Variants in RGS9 observed in about 807,000 individuals in gnomAD.
The protein encoded by RGS9 is regulator of G protein signaling 9.
A neutral mutation model predicts 102.0 loss-of-function variants in RGS9; 78 were observed. The ratio of observed to expected loss-of-function variants is 0.76; its 90% CI spans 0.64 to 0.92. The LOEUF is 0.92. Among genes scored for constraint, RGS9 ranks in the 40% least tolerant of loss-of-function variants. The pLI, the probability that RGS9 is intolerant of heterozygous loss-of-function variation, is 0.00. For synonymous variants in RGS9, 353 were observed against 318.6 expected (o/e 1.11, Z -1.15); for missense variants, 833 against 866.1 (o/e 0.96, Z 0.48).
intron 15 of RGS9, among the ~76,000 whole-genome samples, chr17:65,205,537 G>A (rs149889118): frequency 1.2e-4 from 19 of 152,078 alleles, no homozygotes; most frequent in African/African-American, 4.6e-4. Flanking sequence ...TGTGATATAG[G>A]CTATTTGATA....
intron 12 of RGS9, among the ~76,000 whole-genome samples, chr17:65,195,123 C>T (rs944853420): frequency 2.0e-5 from 3 of 152,174 alleles, no homozygotes; most frequent in East Asian, 1.9e-4. Context: ...TGCCTCCCAG[C>T]GTACTGAATG....
chr17:65,184,512 A>T (rs999669213), intron 9 of RGS9, among the ~76,000 whole-genome samples: 1 of 152,102 alleles, frequency 6.6e-6, no homozygotes, highest in East Asian at 1.9e-4. Context: ...TATCGCATTT[A>T]GTCCCTCTTT....
At chr17:65,181,260 C>T (rs1911874605) in intron 9 of RGS9, among the ~76,000 whole-genome samples, 1 of 152,198 alleles carries the variant, frequency 6.6e-6, no homozygotes, top group Admixed American at 6.5e-5. Flanking sequence ...TTCATTCCCA[C>T]CAGAAGCATA....
In RGS9 at chr17:65,163,187, T is replaced by TA. The variant is rs535653517; in HGVS notation, c.500+98_500+99insA. The TA allele has an allele frequency of 3.1e-4, 190 of 606,650 alleles. No homozygotes were observed. In the African/African-American group the frequency reaches 3.7e-3, roughly 12 times the overall value. The allele number at this position is 606,650 out of a possible 1,614,324, so 37.6% of individuals were successfully genotyped here. On this transcript the variant is annotated intron_variant, in intron 7 of 18. Coordinates refer to ENST00000262406, the MANE Select transcript of RGS9 (RefSeq NM_003835.4). Reference sequence around the variant, plus strand: ...TTATTTTATTTTTTATTTTTATTTTTTTTTTGAGACAGAGTCTTGCTCTGT... The same window carrying TA: ...TTATTTTATTTTTTATTTTTATTTTTATTTTTGAGACAGAGTCTTGCTCTGT...
At chr17:65,181,479 C>T (rs1911882049) in intron 9 of RGS9, among the ~76,000 whole-genome samples, 1 of 152,232 alleles carries the variant, frequency 6.6e-6, no homozygotes, top group Non-Finnish European at 1.5e-5. Context: ...GCAGGTGTCT[C>T]GGGCCCTGGG....
At chr17:65,156,957 C>A (rs956087704) in intron 2 of RGS9, among the ~76,000 whole-genome samples, 1 of 152,162 alleles carries the variant, frequency 6.6e-6, no homozygotes, top group Non-Finnish European at 1.5e-5. Context: ...CATGGCTGGA[C>A]ATTTGTGTCC....
rs759903868 is a variant in RGS9 at position 65,197,109 on chromosome 17, A to G, written c.861-17A>G. On this transcript the variant is annotated splice_polypyrimidine_tract_variant and intron_variant, in intron 12 of 18. Coordinates refer to ENST00000262406, the MANE Select transcript of RGS9 (RefSeq NM_003835.4). ...CAACCGCTACCTCTCTGGTGCATTT[A>G]CAAATCATCCTTGCAGGGTGGAAAT... The G allele has an allele frequency of 6.3e-7, 1 of 1,595,200 alleles. No individual in the cohort carries two copies. Among genetic ancestry groups the G allele is most frequent in the Non-Finnish European group, 8.6e-7 (1 of 1,164,836 alleles).
At position 65,160,572 on chromosome 17, in the gene RGS9, G is replaced by A. The variant is rs1387317965; in HGVS notation, c.349G>A (p.Glu117Lys). The A allele has an allele frequency of 1.2e-6, 2 of 1,614,078 alleles. No individual in the cohort carries two copies. Among genetic ancestry groups the A allele is most frequent in the African/African-American group, 1.3e-5 (1 of 74,918 alleles). Residue 117 changes from glutamate (E) to lysine (K), a missense_variant, in exon 5 of 19, where the codon GAA (glutamate) becomes AAA (lysine). Transcript: ENST00000262406. ...YFWPTQQWPA[E>K]DTDYAIYLAK... is the part of the protein sequence containing the mutation. Reference sequence around the variant, plus strand: ...CTGGCCCACCCAGCAGTGGCCAGCTGAAGATACCGATTACGGTAAATACTT... The same window carrying A: ...CTGGCCCACCCAGCAGTGGCCAGCTAAAGATACCGATTACGGTAAATACTT...
chr17:65,141,141 C>A (rs1003366405), intron 1 of RGS9, among the ~76,000 whole-genome samples: 2 of 152,220 alleles, frequency 1.3e-5, no homozygotes, highest in Non-Finnish European at 2.9e-5. Context: ...CATGCTGCTT[C>A]CCACCTCTGA....
In RGS9 at chr17:65,168,239, G is replaced by C. The variant is rs759660079; in HGVS notation, c.540G>C (p.Leu180=). The change falls in exon 8 of 19, where the codon CTG becomes CTC. Residue 180 remains leucine, a synonymous_variant. Transcript: ENST00000262406. ...GGAACAAAGCAGACAGATATGCCCT[G>C]GACTGCCAGGAGAAGGCATACTGGC... ...KERNKADRYA[L]DCQEKAYWLV... 1.9e-5 allele frequency: 30 copies of C among 1,611,430 alleles called. No individual in the cohort carries two copies. The highest frequency in any genetic ancestry group is 2.5e-5 in the Non-Finnish European group (29 of 1,179,016).
At chr17:65,179,943 T>C (rs1911801909) in intron 9 of RGS9, 2 of 152,388 alleles carry the variant, frequency 1.3e-5, no homozygotes, top group Non-Finnish European at 2.9e-5. Flanking sequence ...ATACGGGCTG[T>C]GTCTCCGCTG....
At chr17:65,178,556 T>C (rs1911735963) in intron 9 of RGS9, among the ~76,000 whole-genome samples, 1 of 152,138 alleles carries the variant, frequency 6.6e-6, no homozygotes, top group Admixed American at 6.5e-5. Context: ...CGGGCTGCAG[T>C]GCAGTGGCAT....
intron 1 of RGS9, among the ~76,000 whole-genome samples, chr17:65,147,116 A>T (rs1389917564): frequency 6.6e-6 from 1 of 152,198 alleles, no homozygotes; most frequent in African/African-American, 2.4e-5. Context: ...CAGCTGACCC[A>T]GTGACCTCAG....
intron 1 of RGS9, 89 bp downstream of exon 1, chr17:65,137,686 A>G (rs2585858): frequency 1 from 1,280,536 of 1,281,482 alleles, 639,799 homozygotes; most frequent in East Asian, 1. Flanking sequence ...AGGAGTGGAG[A>G]GCACCCCTTT....
At chr17:65,226,379 A>T (rs1905679375) in intron 18 of RGS9, among the ~76,000 whole-genome samples, 1 of 152,154 alleles carries the variant, frequency 6.6e-6, no homozygotes, top group Non-Finnish European at 1.5e-5. Context: ...AGAGGTTGTT[A>T]TCCCTCCTGC....
chr17:65,189,253 T>C (rs1367168566), intron 9 of RGS9, 33 bp from the exon 10 acceptor site: 6 of 1,597,666 alleles, frequency 3.8e-6, no homozygotes, highest in Non-Finnish European at 5.1e-6. Context: ...TTTCATGACA[T>C]CTGCCTAACG....
At chr17:65,195,070 C>G (rs1230899019) in intron 12 of RGS9, among the ~76,000 whole-genome samples, 1 of 152,204 alleles carries the variant, frequency 6.6e-6, no homozygotes, top group African/African-American at 2.4e-5. Flanking sequence ...CCCTTATCCT[C>G]TTTGGGCTCT....
chr17:65,173,549 G>A lies in RGS9; in HGVS notation c.583-4183G>A, dbSNP rs571699561. Among the ~76,000 whole-genome samples the A allele has an allele frequency of 6.6e-6, 1 of 152,222 alleles. No homozygotes were observed. The highest frequency in any genetic ancestry group is 1.5e-5 in the Non-Finnish European group (1 of 68,038). ...CTTACACCCAAGGGATGTTGTTTGT[G>A]GGGGGCGGGGTCATACCCTGGTGTT... On this transcript the variant is annotated intron_variant, in intron 8 of 18. Transcript: ENST00000262406. The surrounding 1 kb of genome is among the most constrained non-coding windows in gnomAD (Gnocchi z 4.8).
chr17:65,145,180 G>A (rs299822), intron 1 of RGS9, among the ~76,000 whole-genome samples: 30,812 of 150,860 alleles, frequency 0.2, 3,384 homozygotes, highest in Middle Eastern at 0.35. Context: ...AACCTCCACC[G>A]CCCGGGTTCA....
Sources: allele counts gnomAD v4.1 joint callset (sites outside exome capture counted in the v4.1 genomes callset), GRCh38; gene constraint gnomAD v4.1.1; non-coding constraint Gnocchi (gnomAD v3.1); transcripts MANE v1.5; gene names NCBI Gene and HGNC (gene_info 2026-07-23, HGNC 2026-07-21).